Variants in MAP7 observed in about 807,000 individuals in gnomAD.
The protein encoded by MAP7 is ensconsin.
A neutral mutation model predicts 94.8 loss-of-function variants in MAP7; 52 were observed. The observed-to-expected ratio is 0.55, with a 90% CI of 0.44 to 0.69. The LOEUF (loss-of-function observed/expected upper bound fraction) is 0.69. Among genes scored for constraint, MAP7 ranks in the 30% least tolerant of loss-of-function variants. The pLI, the probability that MAP7 is intolerant of heterozygous loss-of-function variation, is 0.00. For synonymous variants in MAP7, 350 were observed against 357.0 expected, an observed-to-expected ratio of 0.98 and a Z score of 0.22; for missense variants, 940 against 964.6, an observed-to-expected ratio of 0.97 and a Z score of 0.34.
At chr6:136,408,668 G>A (rs1271989010) in intron 3 of MAP7, among the ~76,000 whole-genome samples, 2 of 151,840 alleles carry the variant, frequency 1.3e-5, no homozygotes, top group African/African-American at 4.8e-5. Flanking sequence ...AAACTTTAAA[G>A]TTTGAAAGTT....
chr6:136,519,379 T>G (rs762391569), intron 1 of MAP7, among the ~76,000 whole-genome samples: 1 of 152,056 alleles, frequency 6.6e-6, no homozygotes, highest in Non-Finnish European at 1.5e-5. Context: ...ATGCCACACA[T>G]AAGGACACTG....
At chr6:136,456,681 AAAGAAGAAAGAAGAAAG>A (rs1342414013) in intron 1 of MAP7, among the ~76,000 whole-genome samples, 7 of 7,752 alleles carry the variant, frequency 9.0e-4, no homozygotes, top group African/African-American at 1.6e-3. Flanking sequence ...CAAAAAGAAG[AAAGAAGAAAGAAGAAAG>A]AAGAAGAAAG....
Position 136,469,967 on chromosome 6 carries a change from CT to C in MAP7, c.68-48169del, listed in dbSNP as rs1808422082. 4.6e-5 allele frequency among the ~76,000 whole-genome samples: 7 copies of C among 152,276 alleles called. No homozygotes were observed. In the South Asian group the frequency reaches 1.5e-3, roughly 32 times the overall value. On this transcript the variant is annotated intron_variant, in intron 1 of 17. Coordinates refer to ENST00000354570, the MANE Select transcript of MAP7 (RefSeq NM_003980.6). The stretch of plus-strand genomic sequence containing the variant: ...CCCCTTTTGTGCATGGATTCATTTC[CT>C]GTTCACTGCCTACCTGCTTTCTTCA...
At chr6:136,401,881 C>A (rs1406780454) in intron 3 of MAP7, among the ~76,000 whole-genome samples, 1 of 152,170 alleles carries the variant, frequency 6.6e-6, no homozygotes, top group East Asian at 1.9e-4. Context: ...TTTACCACTA[C>A]TTTAAACTCT....
At chr6:136,473,448 GAT>G (rs1013927802) in intron 1 of MAP7, among the ~76,000 whole-genome samples, 6 of 152,150 alleles carry the variant, frequency 3.9e-5, no homozygotes, top group Non-Finnish European at 8.8e-5. Context: ...TGTTCTTGTA[GAT>G]TTTTTGAAGT....
At chr6:136,451,604 T>G (rs1043040209) in intron 1 of MAP7, among the ~76,000 whole-genome samples, 2 of 152,168 alleles carry the variant, frequency 1.3e-5, no homozygotes, top group Non-Finnish European at 2.9e-5. Context: ...ATTTAAGAAA[T>G]AAATTTCTTA....
chr6:136,528,999 TGTGG>T (rs1219680147), intron 1 of MAP7, among the ~76,000 whole-genome samples: 1 of 152,188 alleles, frequency 6.6e-6, no homozygotes, highest in African/African-American at 2.4e-5. Flanking sequence ...CCTGTAGAGG[TGTGG>T]GTACCATCTT....
chr6:136,372,282 A>C (rs1281917775), intron 8 of MAP7, among the ~76,000 whole-genome samples: 1 of 152,196 alleles, frequency 6.6e-6, no homozygotes, highest in African/African-American at 2.4e-5. Flanking sequence ...TTTCATCTTC[A>C]AATTCAAATG....
rs149503470 is a variant in MAP7, at chr6:136,377,814, G to A, written c.692C>T (p.Thr231Met). Residue 231 changes from threonine to methionine, a missense_variant, in exon 7 of 18, where the codon ACG becomes ATG. Physicochemically the swap from Thr to Met is moderately conservative, Grantham distance 81. Coordinates refer to ENST00000354570, the MANE Select transcript of MAP7 (RefSeq NM_003980.6). Reference protein sequence around the residue: ...WESSVVNRLLTPTHSFLARSK... With the variant: ...WESSVVNRLLMPTHSFLARSK... ...TCTGGCCAGGAACGAATGTGTGGGC[G>A]TCAGGAGTCTGTTAACAACGCTGCT... 4.1e-5 allele frequency: 66 copies of A among 1,614,020 alleles called. No individual in the cohort carries two copies. Among genetic ancestry groups the A allele is most frequent in the East Asian group, 6.7e-5 (3 of 44,890 alleles).
chr6:136,419,538 C>A (rs2128764203), intron 2 of MAP7, among the ~76,000 whole-genome samples: 1 of 152,290 alleles, frequency 6.6e-6, no homozygotes, highest in East Asian at 1.9e-4. Context: ...CCATAATCCT[C>A]TTTTTATAGT....
chr6:136,486,191 A>G (rs1252018585), intron 1 of MAP7, among the ~76,000 whole-genome samples: 2 of 152,208 alleles, frequency 1.3e-5, no homozygotes, highest in Non-Finnish European at 2.9e-5. Context: ...GGAGCTATAT[A>G]TTTAAATAAA....
intron 1 of MAP7, among the ~76,000 whole-genome samples, chr6:136,480,313 C>T (rs925326571): frequency 6.6e-6 from 1 of 152,130 alleles, no homozygotes; most frequent in Admixed American, 6.5e-5. Context: ...GAAACTAGAT[C>T]TCTATCTCTT....
chr6:136,505,213 T>C (rs933461780), intron 1 of MAP7, among the ~76,000 whole-genome samples: 1 of 148,042 alleles, frequency 6.8e-6, no homozygotes, highest in African/African-American at 2.5e-5. Flanking sequence ...TCCTGAACAC[T>C]GTTTTAAGAA....
chr6:136,452,321 T>C lies in MAP7; in HGVS notation c.68-30522A>G, dbSNP rs138681105. The stretch of plus-strand genomic sequence containing the variant: ...AGATGGAAGCTACTCCTGGTGAAGA[T>C]ACTATGAATGTTGTTGAAAGGACAA... On this transcript the variant is annotated intron_variant, in intron 1 of 17. Transcript: ENST00000354570. 2.2e-3 allele frequency among the ~76,000 whole-genome samples: 336 copies of C among 152,334 alleles called. 2 individuals carry two copies. Among genetic ancestry groups the C allele is most frequent in the Middle Eastern group, 6.8e-3 (2 of 294 alleles).
intron 1 of MAP7, among the ~76,000 whole-genome samples, chr6:136,438,836 C>T (rs910613330): frequency 5.3e-5 from 8 of 152,044 alleles, no homozygotes; most frequent in Admixed American, 4.6e-4. Flanking sequence ...TTCTCACCTC[C>T]CTTCCCCCCA....
At chr6:136,379,988 G>C (rs1373383537) in intron 6 of MAP7, among the ~76,000 whole-genome samples, 1 of 152,182 alleles carries the variant, frequency 6.6e-6, no homozygotes, top group East Asian at 1.9e-4. Flanking sequence ...AGGAGAATTG[G>C]TGCATTGTTG....
chr6:136,346,200 G>A (rs1787658355), intron 16 of MAP7, 121 bp from the exon 17 acceptor site: 2 of 618,646 alleles, frequency 3.2e-6, no homozygotes, highest in African/African-American at 3.7e-5. Context: ...AAAAAAATCA[G>A]ACTGGTGAGT....
At chr6:136,535,941 C>T (rs1828852462) in intron 1 of MAP7, among the ~76,000 whole-genome samples, 1 of 151,938 alleles carries the variant, frequency 6.6e-6, no homozygotes, top group African/African-American at 2.4e-5. Context: ...GTTCCCCTTC[C>T]CGTGTCCAAG....
intron 3 of MAP7, among the ~76,000 whole-genome samples, chr6:136,409,307 G>A (rs773745587): frequency 9.9e-5 from 15 of 151,990 alleles, no homozygotes; most frequent in Non-Finnish European, 2.1e-4. Flanking sequence ...CTGGAGCCAA[G>A]GAGGTCGAGG....
Sources: allele counts gnomAD v4.1 joint callset (sites outside exome capture counted in the v4.1 genomes callset), GRCh38; gene constraint gnomAD v4.1.1; transcripts MANE v1.5; gene names NCBI Gene and HGNC (gene_info 2026-07-23, HGNC 2026-07-21).